The following EXT1 variants were observed in gnomAD, a reference collection of about 807,000 sequenced individuals.
The protein encoded by EXT1 is exostosin-1.
Under a neutral mutation model 82.5 loss-of-function variants are expected in EXT1, and 20 were observed. The observed-to-expected ratio is 0.24, with a 90% CI of 0.17 to 0.35. EXT1 has a LOEUF of 0.35. EXT1 is among the 10% of genes least tolerant of loss of function. The probability of loss-of-function intolerance (pLI) is 1.00; values close to 1 mark genes in which losing one functional copy is unlikely to be tolerated. For synonymous variants in EXT1, 348 were observed against 350.8 expected (o/e 0.99, Z 0.09); for missense variants, 757 against 936.5 (o/e 0.81, Z 2.50).
intron 1 of EXT1, among the ~76,000 whole-genome samples, chr8:117,950,181 C>CG (rs1336832627): frequency 6.6e-6 from 1 of 152,110 alleles, no homozygotes; most frequent in Non-Finnish European, 1.5e-5. Context: ...GTGGAGGTTG[C>CG]GGTGAGCTGA....
chr8:117,807,509 C>T, intron 8 of EXT1, 132 bp from the exon 9 acceptor site: 1 of 1,006,196 alleles, frequency 9.9e-7, no homozygotes, highest in Non-Finnish European at 1.5e-6. Flanking sequence ...ATGTATTCAT[C>T]AGCAAATTAA....
intron 1 of EXT1, among the ~76,000 whole-genome samples, chr8:117,917,402 T>C (rs182226035): frequency 1.3e-5 from 2 of 152,064 alleles, no homozygotes; most frequent in Non-Finnish European, 2.9e-5. Flanking sequence ...GAGGTGGAGG[T>C]TGCAGTGAGC....
rs1811940837 is a variant in EXT1, at chr8:117,822,478, G to A, written c.1404C>T (p.Tyr468=). 2 of 1,613,218 alleles carry A rather than the reference G, an allele frequency of 1.2e-6. No individual in the cohort carries two copies. Among genetic ancestry groups the A allele is most frequent in the Non-Finnish European group, 1.7e-6 (2 of 1,179,704 alleles). ...YSSYLGDFPY[Y]YANLGLKPPS... ...AAATTCACTTACCTAAATTAGCATA[G>A]TAGTAAGGAAAATCTCCCAGATAAG... Residue 468 remains tyrosine (Y), a synonymous_variant, in exon 5 of 11, where the codon TAC becomes TAT. Coordinates refer to ENST00000378204, the MANE Select transcript of EXT1 (RefSeq NM_000127.3).
intron 1 of EXT1, among the ~76,000 whole-genome samples, chr8:117,918,424 C>T (rs1326952601): frequency 6.6e-6 from 1 of 152,204 alleles, no homozygotes; most frequent in Non-Finnish European, 1.5e-5. Context: ...GTGCTAGTCT[C>T]CCAAGATGGC....
intron 1 of EXT1, among the ~76,000 whole-genome samples, chr8:118,093,268 CAAAAAAA>C (rs10594150): frequency 0.021 from 1,371 of 66,820 alleles, 34 homozygotes; most frequent in African/African-American, 0.068. Flanking sequence ...AAATTCCCAG[CAAAAAAA>C]AAAAAAAAAA....
intron 1 of EXT1, among the ~76,000 whole-genome samples, chr8:118,097,389 G>A (rs890286204): frequency 6.6e-6 from 1 of 152,198 alleles, no homozygotes; most frequent in Non-Finnish European, 1.5e-5. Flanking sequence ...AGGGGTTGCA[G>A]TGAGCCCAGA....
chr8:117,888,969 G>A (rs528131007), intron 1 of EXT1, among the ~76,000 whole-genome samples: 4 of 152,184 alleles, frequency 2.6e-5, no homozygotes, highest in Admixed American at 6.5e-5. Context: ...ATATTCCTAC[G>A]GTCAACCAAG....
intron 7 of EXT1, among the ~76,000 whole-genome samples, chr8:117,816,504 G>A (rs1409517110): frequency 6.6e-6 from 1 of 152,128 alleles, no homozygotes; most frequent in Non-Finnish European, 1.5e-5. Flanking sequence ...CTGAGAGTCA[G>A]GGAAAAGACA....
At position 118,029,076 on chromosome 8, in the gene EXT1, CTAGAT is replaced by C. The variant is rs111239659; in HGVS notation, c.962+81004_962+81008del. 1.8e-3 allele frequency among the ~76,000 whole-genome samples: 276 copies of C among 151,984 alleles called. 1 individual carries two copies. Among genetic ancestry groups the C allele is most frequent in the African/African-American group, 6.6e-3 (272 of 41,412 alleles). On this transcript the variant is annotated intron_variant, in intron 1 of 10. Transcript: ENST00000378204. ...GCAATATACAAAGGACTACATGTACCTAGATTAGGAGTTTAAAATAAGACAGTTGT... is the reference window on the plus strand; with the variant it reads ...GCAATATACAAAGGACTACATGTACCTAGGAGTTTAAAATAAGACAGTTGT...
intron 3 of EXT1, among the ~76,000 whole-genome samples, chr8:117,834,285 G>A (rs138074317): frequency 3.3e-5 from 5 of 152,244 alleles, no homozygotes; most frequent in Middle Eastern, 6.8e-3. Context: ...AGCAGACTGG[G>A]CAGCAGCACA....
chr8:117,925,969 T>A (rs992162408), intron 1 of EXT1, among the ~76,000 whole-genome samples: 1 of 152,124 alleles, frequency 6.6e-6, no homozygotes, highest in Non-Finnish European at 1.5e-5. Flanking sequence ...CCGTTTCGCA[T>A]GTTATCTCTT....
At chr8:117,810,829 G>A (rs1451144865) in intron 8 of EXT1, among the ~76,000 whole-genome samples, 1 of 152,190 alleles carries the variant, frequency 6.6e-6, no homozygotes, top group Non-Finnish European at 1.5e-5. Context: ...GTCAATGGGA[G>A]TCACCGGCAG....
intron 1 of EXT1, among the ~76,000 whole-genome samples, chr8:117,857,536 C>T (rs1311911652): frequency 4.8e-5 from 4 of 82,792 alleles, no homozygotes; most frequent in African/African-American, 2.0e-4. Context: ...GACTTCCCCC[C>T]GCCAAAAAAA....
chr8:117,862,083 G>A lies in EXT1; in HGVS notation c.963-24882C>T, dbSNP rs936402418. Among the ~76,000 whole-genome samples the A allele has an allele frequency of 4.8e-5, 7 of 146,072 alleles. 1 individual carries two copies. Among genetic ancestry groups the A allele is most frequent in the Admixed American group, 2.8e-4 (4 of 14,412 alleles). On this transcript the variant is annotated intron_variant, in intron 1 of 10. Transcript: ENST00000378204. Reference sequence around the variant, plus strand: ...AGACACTAGAGATGCTCAATCATGCGCTCTGTAAGCAAATCACACTTCATG... The same window carrying A: ...AGACACTAGAGATGCTCAATCATGCACTCTGTAAGCAAATCACACTTCATG...
At position 117,938,100 on chromosome 8, in the gene EXT1, G is replaced by A. The variant is rs60553718; in HGVS notation, c.963-100899C>T. Among the ~76,000 whole-genome samples, 1,021 of 152,298 alleles carry A rather than the reference G, an allele frequency of 6.7e-3. 17 individuals carry two copies. Among genetic ancestry groups the A allele is most frequent in the African/African-American group, 0.023 (975 of 41,562 alleles). On this transcript the variant is annotated intron_variant, in intron 1 of 10. Coordinates refer to ENST00000378204, the MANE Select transcript of EXT1 (RefSeq NM_000127.3). ...CGCACATTTCCTCTACAGAGATCCA[G>A]AACAGTTTCTAGACTGCAGTGCTAT...
At position 118,008,754 on chromosome 8, in the gene EXT1, A is replaced by T. The variant is rs75806718; in HGVS notation, c.962+101331T>A. 7.3e-5 allele frequency among the ~76,000 whole-genome samples: 11 copies of T among 151,276 alleles called. No homozygotes were observed. The South Asian group carries it at 2.1e-3, about 29-fold the overall frequency. On this transcript the variant is annotated intron_variant, in intron 1 of 10. Transcript: ENST00000378204. ...TCTTATTAAAACCACAGCTGCAATT[A>T]AAAAAAAATACACCTTTGGTTACAT... is the stretch of plus-strand genomic sequence containing the variant.
At chr8:117,835,851 A>G (rs1812180729) in intron 2 of EXT1, among the ~76,000 whole-genome samples, 1 of 152,236 alleles carries the variant, frequency 6.6e-6, no homozygotes, top group Non-Finnish European at 1.5e-5. Flanking sequence ...TTGCTGGAGA[A>G]GTTTTTATTG....
chr8:118,051,088 C>A (rs912919561), intron 1 of EXT1, among the ~76,000 whole-genome samples: 1 of 152,168 alleles, frequency 6.6e-6, no homozygotes, highest in African/African-American at 2.4e-5. Flanking sequence ...ATAATCCCAG[C>A]ACTTTGGGAA....
At chr8:117,824,903 G>C (rs929746596) in intron 4 of EXT1, among the ~76,000 whole-genome samples, 1 of 151,984 alleles carries the variant, frequency 6.6e-6, no homozygotes, top group African/African-American at 2.4e-5. Flanking sequence ...GTCTCATTCA[G>C]TTACGCAGGC....
Sources: gnomAD v4.1 joint callset for allele counts (sites outside exome capture counted in the v4.1 genomes callset) on GRCh38, gnomAD v4.1.1 for gene constraint, MANE v1.5 for transcripts, NCBI Gene and HGNC (gene_info 2026-07-23, HGNC 2026-07-21) for gene names.